Variants in AQR observed in about 807,000 individuals in gnomAD.
The protein encoded by AQR is aquarius intron-binding spliceosomal factor, also known as RNA helicase aquarius.
AQR carries 61 observed loss-of-function variants against 180.5 expected under a neutral mutation model. The ratio of observed to expected loss-of-function variants is 0.34; its 90% CI spans 0.28 to 0.42. AQR has a LOEUF of 0.42. Ranked by LOEUF, AQR falls within the 10% of genes least tolerant of loss-of-function variation. AQR has a pLI of 1.00. For synonymous variants in AQR, 551 were observed against 588.8 expected (o/e 0.94, Z 0.93); for missense variants, 1,281 against 1,798.3 (o/e 0.71, Z 5.20).
chr15:34,935,314 GCT>G (rs34738062), intron 9 of AQR, among the ~76,000 whole-genome samples: 2,756 of 152,078 alleles, frequency 0.018, 77 homozygotes, highest in African/African-American at 0.058. Flanking sequence ...CAGAGTAAAA[GCT>G]TTTTTTCTAA....
intron 4 of AQR, 78 bp from the exon 5 acceptor site, chr15:34,948,462 T>A: frequency 6.7e-7 from 1 of 1,485,124 alleles, no homozygotes; most frequent in Non-Finnish European, 9.0e-7. Context: ...CAGAAAAGCA[T>A]AATTATTTAC....
chr15:34,917,225 G>C (rs900247523), intron 15 of AQR, among the ~76,000 whole-genome samples: 4 of 152,130 alleles, frequency 2.6e-5, no homozygotes, highest in Non-Finnish European at 5.9e-5. Context: ...TGGGTCTATC[G>C]GAGTTATGGC....
intron 3 of AQR, among the ~76,000 whole-genome samples, chr15:34,958,340 C>A (rs2140506944): frequency 6.6e-6 from 1 of 152,234 alleles, no homozygotes; most frequent in South Asian, 2.1e-4. Context: ...TGGAGAAACC[C>A]TGTTTCTACC....
In AQR at chr15:34,904,477, T is replaced by C; in HGVS notation, c.1860A>G (p.Gly620=). The change falls in exon 19 of 35, where the codon GGA becomes GGG. Residue 620 remains glycine, a synonymous_variant. Transcript: ENST00000156471. ...AAAACACTCTAAATGTCCTTGATTC[T>C]CCTCTAAGATTGGGTCTGGGTTCAG... ...DGPEPRPNLR[G]ESRTFRVFLD... is the part of the protein sequence containing the mutation. 1 of 1,611,950 alleles carries C rather than the reference T, an allele frequency of 6.2e-7. No individual in the cohort carries two copies. Among genetic ancestry groups the C allele is most frequent in the Non-Finnish European group, 8.5e-7 (1 of 1,179,054 alleles).
chr15:34,866,127 A>G (rs1448978539), intron 32 of AQR, among the ~76,000 whole-genome samples: 2 of 152,178 alleles, frequency 1.3e-5, no homozygotes, highest in African/African-American at 4.8e-5. Flanking sequence ...AAACAGAAAT[A>G]GTTCCTTGCC....
chr15:34,920,324 A>T lies in AQR; in HGVS notation c.1221+8T>A. 1 of 1,585,318 alleles carries T rather than the reference A, an allele frequency of 6.3e-7. No individual in the cohort carries two copies. The highest frequency in any genetic ancestry group is 8.7e-7 in the Non-Finnish European group (1 of 1,156,026). On this transcript the variant is annotated splice_region_variant and intron_variant, in intron 14 of 34. Transcript: ENST00000156471. ...CACATGCAAAATTCAGAGAACATTAATATTTACCAGCAATTCTAGAAGAAA... is the reference window on the plus strand; with the variant it reads ...CACATGCAAAATTCAGAGAACATTATTATTTACCAGCAATTCTAGAAGAAA...
chr15:34,943,066 A>G, intron 6 of AQR: 1 of 1,610,606 alleles, frequency 6.2e-7, no homozygotes, highest in Non-Finnish European at 8.5e-7. Context: ...TGTGCCGATA[A>G]CGCTCACGCA....
chr15:34,956,641 G>A (rs1333985498), intron 3 of AQR, among the ~76,000 whole-genome samples: 1 of 129,766 alleles, frequency 7.7e-6, no homozygotes, highest in Non-Finnish European at 1.6e-5. Flanking sequence ...CAATAAGGGT[G>A]AAACTCCATC....
At chr15:34,935,693 T>C (rs7177902) in intron 9 of AQR, among the ~76,000 whole-genome samples, 9,286 of 152,274 alleles carry the variant, frequency 0.061, 324 homozygotes, top group Middle Eastern at 0.088. Context: ...GAGCATCTAT[T>C]CTAGATCTTC....
chr15:34,900,422 G>C (rs1433451472), intron 20 of AQR, among the ~76,000 whole-genome samples, 200 bp downstream of exon 20: 1 of 152,110 alleles, frequency 6.6e-6, no homozygotes, highest in African/African-American at 2.4e-5. Context: ...TACTTTTACT[G>C]TGGTCTTAAA....
intron 6 of AQR, chr15:34,943,458 A>C: frequency 2.1e-6 from 1 of 477,488 alleles, no homozygotes; most frequent in Non-Finnish European, 3.3e-6. Flanking sequence ...TAAATAAATA[A>C]ATAAATAAAT....
intron 15 of AQR, among the ~76,000 whole-genome samples, chr15:34,916,374 A>T (rs1893586466): frequency 6.6e-6 from 1 of 152,210 alleles, no homozygotes; most frequent in Non-Finnish European, 1.5e-5. Flanking sequence ...AATATCAAAA[A>T]GGTTTTAAAA....
At chr15:34,881,911 T>C (rs1892978171) in intron 27 of AQR, among the ~76,000 whole-genome samples, 2 of 152,190 alleles carry the variant, frequency 1.3e-5, no homozygotes. Context: ...GTTCAAGTGA[T>C]TCTCCTGCCT....
intron 22 of AQR, among the ~76,000 whole-genome samples, chr15:34,895,634 C>T (rs1388313395): frequency 1.3e-5 from 2 of 151,894 alleles, no homozygotes; most frequent in Non-Finnish European, 2.9e-5. Flanking sequence ...ATAAATGGGG[C>T]CAATTCACCA....
At chr15:34,893,573 C>A in intron 23 of AQR, 90 bp downstream of exon 23, 1 of 1,134,736 alleles carries the variant, frequency 8.8e-7, no homozygotes, top group Non-Finnish European at 1.3e-6. Flanking sequence ...CCCCTCAACC[C>A]CTAACCTGCA....
At chr15:34,967,941 G>A (rs1479936115) in intron 1 of AQR, among the ~76,000 whole-genome samples, 2 of 151,858 alleles carry the variant, frequency 1.3e-5, no homozygotes, top group East Asian at 3.9e-4. Context: ...AGCCTCCCGA[G>A]TAGCTGGGAT....
chr15:34,883,790 G>A (rs1320218074), intron 26 of AQR, among the ~76,000 whole-genome samples: 5 of 152,148 alleles, frequency 3.3e-5, no homozygotes, highest in Admixed American at 3.3e-4. Flanking sequence ...CTGCAATGAT[G>A]TGGCAAAAAC....
At chr15:34,874,353 T>A (rs1892862899) in intron 29 of AQR, 3 of 342,310 alleles carry the variant, frequency 8.8e-6, no homozygotes, top group Non-Finnish European at 1.6e-5. Context: ...TGTGTTCTCC[T>A]CTTGTTCACT....
chr15:34,932,726 G>A (rs149935841), intron 10 of AQR, among the ~76,000 whole-genome samples: 42 of 152,224 alleles, frequency 2.8e-4, no homozygotes, highest in African/African-American at 7.2e-4. Context: ...TTGGCGTGGC[G>A]GGTGGATCAC....
Sources: gnomAD v4.1 joint callset for allele counts (sites outside exome capture counted in the v4.1 genomes callset) on GRCh38, gnomAD v4.1.1 for gene constraint, MANE v1.5 for transcripts, NCBI Gene and HGNC (gene_info 2026-07-23, HGNC 2026-07-21) for gene names.